Variants in TFIP11 observed in about 807,000 individuals in gnomAD.
TFIP11 encodes the protein tuftelin-interacting protein 11.
In TFIP11, 86 loss-of-function variants were observed where a neutral mutation model predicts 96.8. The observed-to-expected ratio is 0.89, with a 90% CI of 0.75 to 1.06. TFIP11 has a LOEUF of 1.06. Among genes scored for constraint, TFIP11 ranks in the 50% least tolerant of loss-of-function variants. TFIP11 has a pLI of 0.00. For synonymous variants in TFIP11, 405 were observed against 395.2 expected, an observed-to-expected ratio of 1.02 and a Z score of -0.29; for missense variants, 881 against 1,076.7, an observed-to-expected ratio of 0.82 and a Z score of 2.54.
At chr22:26,502,690 A>AT (rs985009141) in intron 7 of TFIP11, among the ~76,000 whole-genome samples, 2 of 152,148 alleles carry the variant, frequency 1.3e-5, no homozygotes, top group African/African-American at 4.8e-5. Context: ...AAGACTTGTC[A>AT]TTTTTTCTCT....
chr22:26,495,675 T>C (rs1392027594), intron 12 of TFIP11, among the ~76,000 whole-genome samples: 2 of 60,572 alleles, frequency 3.3e-5, no homozygotes, highest in African/African-American at 1.0e-4. Context: ...TGTATATATA[T>C]ACATATATGT....
Position 26,496,794 on chromosome 22 carries a change from C to G in TFIP11, c.1532G>C (p.Trp511Ser). Reference protein sequence around the residue: ...CDPMVDFLDSWVHIIPVWILD... With the variant: ...CDPMVDFLDSSVHIIPVWILD... ...GATCCACACAGGAATAATGTGCACCCAACTATCCAAAAAGTCCACCATCGG... is the reference window on the plus strand; with the variant it reads ...GATCCACACAGGAATAATGTGCACCGAACTATCCAAAAAGTCCACCATCGG... The change falls in exon 11 of 15, where the codon TGG becomes TCG. Residue 511 changes from tryptophan to serine, a missense_variant. Transcript: ENST00000407690. 1.9e-6 allele frequency: 3 copies of G among 1,614,106 alleles called. No individual in the cohort carries two copies. Among genetic ancestry groups the G allele is most frequent in the East Asian group, 2.2e-5 (1 of 44,876 alleles).
chr22:26,510,366 G>A lies in TFIP11; in HGVS notation c.-9-85C>T, dbSNP rs565811655. 2.3e-6 allele frequency: 3 copies of A among 1,289,310 alleles called. No homozygotes were observed. In the South Asian group the frequency reaches 3.8e-5, roughly 16 times the overall value. The allele number at this position is 1,289,310 out of a possible 1,614,324, so 79.9% of individuals were successfully genotyped here. On this transcript the variant is annotated intron_variant, in intron 3 of 14. Transcript: ENST00000407690. ...TCCTTGTGAGTCTCTATTCCTTGCT[G>A]CTTTCAGAACTTTCTCCAAATTCAA...
chr22:26,508,658 A>T (rs1163979212), intron 4 of TFIP11, among the ~76,000 whole-genome samples: 4 of 152,140 alleles, frequency 2.6e-5, no homozygotes, highest in Non-Finnish European at 5.9e-5. Flanking sequence ...GATCCTGGCC[A>T]ACATGGTGAA....
At chr22:26,500,770 C>T (rs1376587099) in intron 8 of TFIP11, among the ~76,000 whole-genome samples, 1 of 152,110 alleles carries the variant, frequency 6.6e-6, no homozygotes, top group African/African-American at 2.4e-5. Context: ...TTTGAGAACC[C>T]CACTAAAGGC....
In TFIP11 at chr22:26,501,908, G is replaced by C. The variant is rs1408230237; in HGVS notation, c.793C>G (p.Gln265Glu). 1.2e-6 allele frequency: 2 copies of C among 1,609,956 alleles called. No homozygotes were observed. Among genetic ancestry groups the C allele is most frequent in the Non-Finnish European group, 1.7e-6 (2 of 1,177,928 alleles). ...TCCAAGGGCCCCTGTACCTTGACTT[G>C]AGAAAGTTCCTTCTGGGGAGCAGTG... ...KLTAPQKELS[Q>E]VKVIDMTGRE... The change falls in exon 8 of 15, where the codon CAA becomes GAA. Residue 265 changes from glutamine (Q) to glutamate (E), a missense_variant. By Grantham distance (29) the Gln-to-Glu change is conservative (BLOSUM62 2). Transcript: ENST00000407690.
At position 26,494,452 on chromosome 22, in the gene TFIP11, T is replaced by G. The variant is rs2147120298; in HGVS notation, c.1993-148A>C. 9.3e-6 allele frequency: 9 copies of G among 969,382 alleles called. No homozygotes were observed. In the South Asian group the frequency reaches 1.3e-4, roughly 14 times the overall value. The allele number at this position is 969,382 out of a possible 1,614,324, so 60.0% of individuals were successfully genotyped here. A position where few individuals can be genotyped will look rare whatever the true frequency, so the allele number is the denominator to read the frequency against. On this transcript the variant is annotated intron_variant, in intron 13 of 14. Coordinates refer to ENST00000407690, the MANE Select transcript of TFIP11 (RefSeq NM_012143.4). ...TTATAGTAGCTAAACAGTCTAGCAC[T>G]TATGAATATGGATTTTGGAGTCAGC...
chr22:26,496,140 G>A lies in TFIP11; in HGVS notation c.1782C>T (p.Pro594=). The stretch of plus-strand genomic sequence containing the variant: ...AGCCAGGAGTGAAGACATCCTTCCA[G>A]GGCTGGAGGATGAGCTTGGCAGAGG... The part of the protein sequence containing the change: ...SDSSAKLILQ[P]WKDVFTPGSW... The change falls in exon 12 of 15, where the codon CCC becomes CCT. Residue 594 remains proline, a synonymous_variant. Coordinates refer to ENST00000407690, the MANE Select transcript of TFIP11 (RefSeq NM_012143.4). 6.2e-7 allele frequency: 1 copy of A among 1,613,986 alleles called. No individual in the cohort carries two copies. The highest frequency in any genetic ancestry group is 8.5e-7 in the Non-Finnish European group (1 of 1,180,024).
rs1351322773 is a variant in TFIP11, at chr22:26,499,430, TCTC to T, written c.1000_1002del (p.Glu334del). 1.1e-5 allele frequency: 17 copies of T among 1,614,046 alleles called. No homozygotes were observed. Among genetic ancestry groups the T allele is most frequent in the East Asian group, 4.5e-5 (2 of 44,880 alleles). On this transcript the variant is annotated inframe_deletion, in exon 9 of 15. Transcript: ENST00000407690. Reference sequence around the variant, plus strand: ...TGTAGCTGCCGGTCATTCTGGATGATCTCCTGCTCCGTGAGGTCGATGAGCAGC... The same window carrying T: ...TGTAGCTGCCGGTCATTCTGGATGATCTGCTCCGTGAGGTCGATGAGCAGC...
intron 14 of TFIP11, 142 bp downstream of exon 14, chr22:26,493,997 T>G: frequency 2.3e-5 from 20 of 872,124 alleles, no homozygotes; most frequent in Non-Finnish European, 2.8e-5. Context: ...GTCAGCAGGG[T>G]GAGAGTCTGT....
chr22:26,500,755 G>C (rs1922678872), intron 8 of TFIP11, among the ~76,000 whole-genome samples: 1 of 151,706 alleles, frequency 6.6e-6, no homozygotes, highest in Admixed American at 6.6e-5. Context: ...CCAGATAACA[G>C]CACGTTTGAG....
chr22:26,497,566 T>C (rs574888472), intron 10 of TFIP11, among the ~76,000 whole-genome samples: 6 of 152,322 alleles, frequency 3.9e-5, no homozygotes, highest in South Asian at 2.1e-4. Flanking sequence ...ATCCCACTAC[T>C]GGGTATCTAC....
intron 8 of TFIP11, among the ~76,000 whole-genome samples, chr22:26,499,978 C>G (rs1427684973): frequency 4.6e-5 from 7 of 151,970 alleles, no homozygotes; most frequent in African/African-American, 2.4e-5. Flanking sequence ...AAGAAGGTAA[C>G]ATACAATCAG....
rs1445176768 is a variant in TFIP11 at position 26,499,260 on chromosome 22, G to A, written c.1173C>T (p.Cys391=). Residue 391 remains cysteine (C), a synonymous_variant, in exon 9 of 15, where the codon TGC becomes TGT. Coordinates refer to ENST00000407690, the MANE Select transcript of TFIP11 (RefSeq NM_012143.4). ...EECERRMQPD[C]SNPLTLDECA... is the part of the protein sequence containing the mutation. ...ACTCGTCCAGGGTGAGGGGGTTGCT[G>A]CAGTCGGGCTGCATCCGCCGCTCGC... is the stretch of plus-strand genomic sequence containing the variant. 1.2e-6 allele frequency: 2 copies of A among 1,613,930 alleles called. No homozygotes were observed. The highest frequency in any genetic ancestry group is 1.7e-6 in the Non-Finnish European group (2 of 1,179,908).
Position 26,506,076 on chromosome 22 carries a change from C to T in TFIP11, c.520+227G>A, listed in dbSNP as rs191932009. The T allele has an allele frequency of 1.2e-5, 5 of 404,624 alleles. No homozygotes were observed. In the East Asian group the frequency reaches 1.9e-4, roughly 15 times the overall value. 25.1% of individuals were successfully genotyped at this position (404,624 alleles called of 1,614,324 possible). A position where few individuals can be genotyped will look rare whatever the true frequency, so the allele number is the denominator to read the frequency against. The stretch of plus-strand genomic sequence containing the variant: ...AAAAAGCCTGTTTTCAACCTGTTTG[C>T]AGCCTGTTTTAGACCCTAACCCTTT... On this transcript the variant is annotated intron_variant, in intron 6 of 14. Transcript: ENST00000407690.
chr22:26,500,661 G>GA (rs112618998), intron 8 of TFIP11, among the ~76,000 whole-genome samples: 4,683 of 142,370 alleles, frequency 0.033, 228 homozygotes, highest in African/African-American at 0.11. Context: ...CTCACTGGAG[G>GA]AAAAAAAAAA....
rs1269507713 is a variant in TFIP11 at position 26,491,527 on chromosome 22, A to G, written c.*486T>C. Reference sequence around the variant, plus strand: ...TCACAATACATGGACATATTTAATGATACCTCTGTCCACTGGTTCCCTGTG... The same window carrying G: ...TCACAATACATGGACATATTTAATGGTACCTCTGTCCACTGGTTCCCTGTG... On this transcript the variant is annotated 3_prime_UTR_variant, in exon 15 of 15. Transcript: ENST00000407690. 3 of 1,613,946 alleles carry G rather than the reference A, an allele frequency of 1.9e-6. No individual in the cohort carries two copies. The South Asian group carries it at 3.3e-5, about 18-fold the overall frequency.
chr22:26,498,294 G>A (rs1381580775), intron 10 of TFIP11, among the ~76,000 whole-genome samples: 1 of 152,154 alleles, frequency 6.6e-6, no homozygotes, highest in Admixed American at 6.5e-5. Flanking sequence ...TGGAATCCCA[G>A]CATTTTTTTG....
rs1176856159 is a variant in TFIP11, at chr22:26,499,400, C to T, written c.1033G>A (p.Glu345Lys). 1 of 1,614,018 alleles carries T rather than the reference C, an allele frequency of 6.2e-7. No homozygotes were observed. Among genetic ancestry groups the T allele is most frequent in the Non-Finnish European group, 8.5e-7 (1 of 1,179,994 alleles). Residue 345 changes from glutamate to lysine, a missense_variant, in exon 9 of 15, where the codon GAG becomes AAG. Physicochemically the swap from Glu to Lys is moderately conservative, Grantham distance 56. Transcript: ENST00000407690. Reference sequence around the variant, plus strand: ...AAGAGGTTGACCACCATGTCCCGCTCATACTGTAGCTGCCGGTCATTCTGG... The same window carrying T: ...AAGAGGTTGACCACCATGTCCCGCTTATACTGTAGCTGCCGGTCATTCTGG... ...IIQNDRQLQY[E>K]RDMVVNLFHE...
Sources: gnomAD v4.1 joint callset for allele counts (sites outside exome capture counted in the v4.1 genomes callset) on GRCh38, gnomAD v4.1.1 for gene constraint, MANE v1.5 for transcripts, NCBI Gene and HGNC (gene_info 2026-07-23, HGNC 2026-07-21) for gene names.